The following TPD52 variants were observed in gnomAD, a reference collection of about 807,000 sequenced individuals.
TPD52 encodes prostate and colon associated protein.
TPD52 carries 17 observed loss-of-function variants against 31.3 expected under a neutral mutation model. That is an observed-to-expected ratio of 0.54 (90% CI 0.37 to 0.82). The LOEUF is 0.82. Ranked by LOEUF, TPD52 falls within the 40% of genes least tolerant of loss-of-function variation. TPD52 has a pLI of 0.00. For missense variants in TPD52, 212 were observed against 240.1 expected, an observed-to-expected ratio of 0.88 and a Z score of 0.77; for synonymous variants, 83 against 89.6, an observed-to-expected ratio of 0.93 and a Z score of 0.42.
chr8:80,064,955 T>A, intron 1 of TPD52: 3 of 411,988 alleles, frequency 7.3e-6, no homozygotes, highest in Non-Finnish European at 1.4e-5. Flanking sequence ...TGAAAGATTT[T>A]AGCTCCTTCC....
rs1809806850 is a variant in TPD52, at chr8:80,034,983, G to A, written c.*3133C>T. 1 of 152,166 alleles carries A rather than the reference G, an allele frequency of 6.6e-6. No individual in the cohort carries two copies. The highest frequency in any genetic ancestry group is 1.5e-5 in the Non-Finnish European group (1 of 68,030). The allele number at this position is 152,166 out of a possible 1,614,324, so 9.4% of individuals were successfully genotyped here. A position where few individuals can be genotyped will look rare whatever the true frequency, so the allele number is the denominator to read the frequency against. On this transcript the variant is annotated 3_prime_UTR_variant, in exon 8 of 8. Coordinates refer to ENST00000518937, the MANE Select transcript of TPD52 (RefSeq NM_001025253.3). The stretch of plus-strand genomic sequence containing the variant: ...AAGTGAAAAGCTCTTAGTTCATTTT[G>A]AGTCAGAACAATAAGGAAATTATGA...
chr8:80,163,524 T>C (rs1425192697), intron 1 of TPD52, among the ~76,000 whole-genome samples: 1 of 152,134 alleles, frequency 6.6e-6, no homozygotes, highest in African/African-American at 2.4e-5. Context: ...TTTTGAAAAA[T>C]GAAAAAGTTT....
intron 1 of TPD52, among the ~76,000 whole-genome samples, chr8:80,144,607 G>T (rs1411432241): frequency 6.6e-6 from 1 of 152,144 alleles, no homozygotes; most frequent in African/African-American, 2.4e-5. Context: ...TCTGAATAGT[G>T]GTCTTCCCAG....
intron 1 of TPD52, among the ~76,000 whole-genome samples, chr8:80,089,960 G>A (rs983975400): frequency 7.2e-5 from 11 of 152,234 alleles, no homozygotes; most frequent in Admixed American, 1.3e-4. Context: ...CTAAAGAGAC[G>A]CAAGAAGAAG....
intron 1 of TPD52, among the ~76,000 whole-genome samples, chr8:80,149,807 C>G (rs985916824): frequency 2.0e-5 from 3 of 152,108 alleles, no homozygotes; most frequent in African/African-American, 7.2e-5. Flanking sequence ...TTTGGGGTAT[C>G]TGGCAGAAGA....
intron 7 of TPD52, among the ~76,000 whole-genome samples, chr8:80,041,431 T>C (rs935137594): frequency 6.6e-6 from 1 of 152,216 alleles, no homozygotes; most frequent in African/African-American, 2.4e-5. Flanking sequence ...CTGACTGATA[T>C]AAAAACATTT....
At chr8:80,166,309 T>C (rs1207872122) in intron 1 of TPD52, among the ~76,000 whole-genome samples, 1 of 151,462 alleles carries the variant, frequency 6.6e-6, no homozygotes, top group Admixed American at 6.6e-5. Flanking sequence ...AGAGACTCAC[T>C]GCAACCTCCG....
chr8:80,170,070 A>T (rs1407125014), intron 1 of TPD52, among the ~76,000 whole-genome samples: 1 of 152,214 alleles, frequency 6.6e-6, no homozygotes, highest in Non-Finnish European at 1.5e-5. Context: ...TCTGAAGGGG[A>T]GCGAGGAAAG....
intron 1 of TPD52, among the ~76,000 whole-genome samples, chr8:80,132,877 A>G (rs1809119172): frequency 6.6e-6 from 1 of 152,172 alleles, no homozygotes. Flanking sequence ...TGGCTGGAAG[A>G]AAGGAAGGGG....
chr8:80,045,186 T>C (rs1298811279), intron 5 of TPD52, among the ~76,000 whole-genome samples: 1 of 152,262 alleles, frequency 6.6e-6, no homozygotes, highest in Admixed American at 6.5e-5. Flanking sequence ...TATAAGAGTA[T>C]AATAATCTAT....
At chr8:80,082,202 T>C (rs763705321) in intron 1 of TPD52, among the ~76,000 whole-genome samples, 1 of 152,076 alleles carries the variant, frequency 6.6e-6, no homozygotes, top group South Asian at 2.1e-4. Flanking sequence ...TGGGCAACTA[T>C]AAATGTTTCA....
chr8:80,072,219 A>G (rs1802200166), intron 1 of TPD52, among the ~76,000 whole-genome samples: 1 of 152,058 alleles, frequency 6.6e-6, no homozygotes, highest in Admixed American at 6.6e-5. Flanking sequence ...GAGGCAGGAG[A>G]ATCTCCTGAA....
At chr8:80,125,174 T>G (rs893803896) in intron 1 of TPD52, among the ~76,000 whole-genome samples, 1 of 152,102 alleles carries the variant, frequency 6.6e-6, no homozygotes, top group Non-Finnish European at 1.5e-5. Flanking sequence ...CCAACAGATA[T>G]GAAGATGCAA....
chr8:80,159,937 TC>T (rs1268216616), intron 1 of TPD52, among the ~76,000 whole-genome samples: 8 of 152,202 alleles, frequency 5.3e-5, no homozygotes, highest in African/African-American at 1.9e-4. Flanking sequence ...ATACCTGTAA[TC>T]CCAGCACTTC....
chr8:80,140,551 T>A (rs1706078247), intron 1 of TPD52, among the ~76,000 whole-genome samples: 1 of 152,204 alleles, frequency 6.6e-6, no homozygotes, highest in South Asian at 2.1e-4. Context: ...AAGTAATCCA[T>A]TGTAAGTAAC....
At chr8:80,146,941 A>G (rs1810237550) in intron 1 of TPD52, among the ~76,000 whole-genome samples, 1 of 152,188 alleles carries the variant, frequency 6.6e-6, no homozygotes, top group African/African-American at 2.4e-5. Flanking sequence ...TATCAGCATC[A>G]CCTGTGAACT....
At chr8:80,143,376 T>C (rs1809970342) in intron 1 of TPD52, among the ~76,000 whole-genome samples, 1 of 152,212 alleles carries the variant, frequency 6.6e-6, no homozygotes, top group Admixed American at 6.5e-5. Flanking sequence ...GGTCCAGGGT[T>C]GAAAACATAA....
chr8:80,053,977 C>T (rs2130560609), intron 2 of TPD52, among the ~76,000 whole-genome samples: 2 of 152,238 alleles, frequency 1.3e-5, no homozygotes, highest in South Asian at 4.2e-4. Context: ...CTGGCAAAGT[C>T]ATGGCCATAA....
At chr8:80,103,405 T>C (rs1806885632) in intron 1 of TPD52, among the ~76,000 whole-genome samples, 1 of 152,256 alleles carries the variant, frequency 6.6e-6, no homozygotes, top group South Asian at 2.1e-4. Context: ...TTTATAAAAG[T>C]TTCCCCTCTT....
Sources: allele counts gnomAD v4.1 joint callset (sites outside exome capture counted in the v4.1 genomes callset), GRCh38; gene constraint gnomAD v4.1.1; transcripts MANE v1.5; gene names NCBI Gene and HGNC (gene_info 2026-07-23, HGNC 2026-07-21).